The following CYP1B1 variants were observed in gnomAD, a reference collection of about 807,000 sequenced individuals.
CYP1B1 encodes cytochrome P450 1B1.
CYP1B1 carries 22 observed loss-of-function variants against 29.9 expected under a neutral mutation model. The ratio of observed to expected loss-of-function variants is 0.74; its 90% confidence interval spans 0.53 to 1.05. The LOEUF is 1.05. Ranked by LOEUF, CYP1B1 falls within the 50% of genes least tolerant of loss-of-function variation. CYP1B1 has a pLI of 0.00. For synonymous variants in CYP1B1, 375 were observed against 320.0 expected, an observed-to-expected ratio of 1.17 and a Z score of -1.83; for missense variants, 883 against 746.9, an observed-to-expected ratio of 1.18 and a Z score of -2.12.
chr2:38,074,550 C>A lies in CYP1B1; in HGVS notation c.839G>T (p.Cys280Phe). ...GGCGGCCCCGGGCCGAAGGCTTTCG[C>A]AGTGCCTCAAGAACTTGTCCAGGAT... is the stretch of plus-strand genomic sequence containing the variant. Reference protein sequence around the residue: ...NFILDKFLRHCESLRPGAAPR... With the variant: ...NFILDKFLRHFESLRPGAAPR... The change falls in exon 2 of 3, where the codon TGC becomes TTC. Residue 280 changes from cysteine to phenylalanine, a missense_variant. Transcript: ENST00000610745. The A allele has an allele frequency of 6.2e-7, 1 of 1,609,146 alleles. No individual in the cohort carries two copies. The highest frequency in any genetic ancestry group is 8.5e-7 in the Non-Finnish European group (1 of 1,177,922).
Position 38,075,197 on chromosome 2 carries a change from C to A in CYP1B1, c.192G>T (p.Ala64=), listed in dbSNP as rs1164813315. 27 of 1,573,154 alleles carry A rather than the reference C, an allele frequency of 1.7e-5. No individual in the cohort carries two copies. Among genetic ancestry groups the A allele is most frequent in the Non-Finnish European group, 2.1e-5 (25 of 1,166,372 alleles). The change falls in exon 2 of 3, where the codon GCG becomes GCT. Residue 64 remains alanine, a synonymous_variant. Transcript: ENST00000610745. ...AGAGGTGAGCCGCCTGGCCCACCGC[C>A]GCCGCGTTTCCGATCAGTGGCCACG... The part of the protein sequence containing the change: ...PFAWPLIGNA[A]AVGQAAHLSF...
Position 38,074,714 on chromosome 2 carries a change from G to A in CYP1B1, c.675C>T (p.Leu225=). 6.2e-7 allele frequency: 1 copy of A among 1,611,180 alleles called. No individual in the cohort carries two copies. The highest frequency in any genetic ancestry group is 8.5e-7 in the Non-Finnish European group (1 of 1,179,488). The change falls in exon 2 of 3, where the codon CTC becomes CTT. Residue 225 remains leucine (L), a synonymous_variant. Transcript: ENST00000610745. ...TGCGCCCGAACTCTTCGTTGTGGCT[G>A]AGCAGCTCACGGAACTCGGGGTCGT... ...SHDDPEFREL[L]SHNEEFGRTV...
intron 2 of CYP1B1, among the ~76,000 whole-genome samples, chr2:38,073,064 C>A (rs946755554): frequency 2.0e-5 from 3 of 152,174 alleles, no homozygotes; most frequent in Non-Finnish European, 4.4e-5. Flanking sequence ...ACCTATGGAA[C>A]CTATTCCGGG....
In CYP1B1 at chr2:38,071,024, G is replaced by A. The variant is rs377049098; in HGVS notation, c.1330C>T (p.Arg444Ter). The A allele has an allele frequency of 2.5e-5, 40 of 1,614,058 alleles. No homozygotes were observed. Among genetic ancestry groups the A allele is most frequent in the African/African-American group, 5.3e-5 (4 of 75,020 alleles). Residue 444 changes from arginine to a stop codon, truncating the protein, a stop_gained, in exon 3 of 3, where the codon CGA becomes TGA. Coordinates refer to ENST00000610745, the MANE Select transcript of CYP1B1 (RefSeq NM_000104.4). LOFTEE classifies it high-confidence loss of function. ...ATGAGGCCATCCTTGTCCAAGAATC[G>A]AGCTGGATCAAAGTTCTCCGGGTTA... ...WPNPENFDPA[R>*]FLDKDGLINK...
chr2:38,069,912 CT>C lies in CYP1B1; in HGVS notation c.*809del, dbSNP rs4646432. 0.03 allele frequency: 5,032 copies of C among 169,684 alleles called. 1 individual carries two copies. Among genetic ancestry groups the C allele is most frequent in the East Asian group, 0.084 (758 of 9,008 alleles). 10.5% of individuals were successfully genotyped at this position (169,684 alleles called of 1,614,324 possible). ...GTCACATAATTTAAAGCTTGGCTGG[CT>C]TTTTTTTTTTTCTTTGCTGATAATT... On this transcript the variant is annotated 3_prime_UTR_variant, in exon 3 of 3. Coordinates refer to ENST00000610745, the MANE Select transcript of CYP1B1 (RefSeq NM_000104.4).
chr2:38,075,120 C>T lies in CYP1B1; in HGVS notation c.269G>A (p.Gly90Asp), dbSNP rs1347052122. 1 of 1,579,452 alleles carries T rather than the reference C, an allele frequency of 6.3e-7. No homozygotes were observed. The highest frequency in any genetic ancestry group is 8.5e-7 in the Non-Finnish European group (1 of 1,170,476). The stretch of plus-strand genomic sequence containing the variant: ...ATTCAGCACCACTATGGGGCAGCTG[C>T]CCAGGCGGATCTGGAAAACGTCGCC... ...RYGDVFQIRLGSCPIVVLNGE... is the reference protein window; with the variant it reads ...RYGDVFQIRLDSCPIVVLNGE... The change falls in exon 2 of 3, where the codon GGC becomes GAC. Residue 90 changes from glycine to aspartate, a missense_variant. By Grantham distance (94) the Gly-to-Asp change is moderately conservative. Transcript: ENST00000610745.
At position 38,067,938 on chromosome 2, in the gene CYP1B1, A is replaced by G. The variant is rs888051984; in HGVS notation, c.*2784T>C. The G allele has an allele frequency of 1.6e-4, 30 of 193,310 alleles. No homozygotes were observed. In the East Asian group the frequency reaches 2.5e-3, roughly 16 times the overall value. 12.0% of individuals were successfully genotyped at this position (193,310 alleles called of 1,614,324 possible). ...TATGCAACTATTTGATCTAATATAGATCTACTAGGAAAATATTAAGGCTGT... is the reference window on the plus strand; with the variant it reads ...TATGCAACTATTTGATCTAATATAGGTCTACTAGGAAAATATTAAGGCTGT... On this transcript the variant is annotated 3_prime_UTR_variant, in exon 3 of 3. Transcript: ENST00000610745.
intron 2 of CYP1B1, 142 bp downstream of exon 2, chr2:38,074,204 G>C: frequency 1.1e-6 from 1 of 940,490 alleles, no homozygotes; most frequent in Non-Finnish European, 1.6e-6. Context: ...TCCCTTTACC[G>C]ACGCGATCTT....
At position 38,074,560 on chromosome 2, in the gene CYP1B1, A is replaced by G. The variant is rs1682491249; in HGVS notation, c.829T>C (p.Leu277=). The G allele has an allele frequency of 1.9e-6, 3 of 1,610,198 alleles. No individual in the cohort carries two copies. The South Asian group carries it at 3.3e-5, about 18-fold the overall frequency. The part of the protein sequence containing the change: ...NFSNFILDKF[L]RHCESLRPGA... Reference sequence around the variant, plus strand: ...GGCCGAAGGCTTTCGCAGTGCCTCAAGAACTTGTCCAGGATGAAGTTGCTG... The same window carrying G: ...GGCCGAAGGCTTTCGCAGTGCCTCAGGAACTTGTCCAGGATGAAGTTGCTG... The change falls in exon 2 of 3, where the codon TTG becomes CTG. Residue 277 remains leucine, a synonymous_variant. Coordinates refer to ENST00000610745, the MANE Select transcript of CYP1B1 (RefSeq NM_000104.4).
chr2:38,074,630 C>T lies in CYP1B1; in HGVS notation c.759G>A (p.Pro253=). The part of the protein sequence containing the change: ...VMPWLQYFPN[P]VRTVFREFEQ... Reference sequence around the variant, plus strand: ...CGAATTCGCGGAAAACGGTGCGCACCGGGTTGGGGAAGTACTGCAGCCAGG... The same window carrying T: ...CGAATTCGCGGAAAACGGTGCGCACTGGGTTGGGGAAGTACTGCAGCCAGG... Residue 253 remains proline, a synonymous_variant, in exon 2 of 3, where the codon CCG becomes CCA. Coordinates refer to ENST00000610745, the MANE Select transcript of CYP1B1 (RefSeq NM_000104.4). The T allele has an allele frequency of 1.2e-6, 2 of 1,613,530 alleles. No individual in the cohort carries two copies. Among genetic ancestry groups the T allele is most frequent in the South Asian group, 2.2e-5 (2 of 91,052 alleles).
chr2:38,072,394 T>A (rs1264784505), intron 2 of CYP1B1, among the ~76,000 whole-genome samples: 1 of 152,008 alleles, frequency 6.6e-6, no homozygotes, highest in East Asian at 1.9e-4. Flanking sequence ...ATAAAAATTT[T>A]AAAAATGCAA....
rs1296282152 is a variant in CYP1B1, at chr2:38,068,434, C to G, written c.*2288G>C. 1 of 226,910 alleles carries G rather than the reference C, an allele frequency of 4.4e-6. No individual in the cohort carries two copies. Among genetic ancestry groups the G allele is most frequent in the Non-Finnish European group, 8.8e-6 (1 of 113,854 alleles). The allele number at this position is 226,910 out of a possible 1,614,324, so 14.1% of individuals were successfully genotyped here. A position where few individuals can be genotyped will look rare whatever the true frequency, so the allele number is the denominator to read the frequency against. On this transcript the variant is annotated 3_prime_UTR_variant, in exon 3 of 3. Coordinates refer to ENST00000610745, the MANE Select transcript of CYP1B1 (RefSeq NM_000104.4). Reference sequence around the variant, plus strand: ...AAAACAGATTATAGCACATCTGGACCTGGTTGACATAATGAGGCATCCAGA... The same window carrying G: ...AAAACAGATTATAGCACATCTGGACGTGGTTGACATAATGAGGCATCCAGA...
At position 38,071,010 on chromosome 2, in the gene CYP1B1, C is replaced by G. The variant is rs781513633; in HGVS notation, c.1344G>C (p.Lys448Asn). Reference protein sequence around the residue: ...ENFDPARFLDKDGLINKDLTS... With the variant: ...ENFDPARFLDNDGLINKDLTS... The stretch of plus-strand genomic sequence containing the variant: ...TCAGGTCCTTGTTGATGAGGCCATC[C>G]TTGTCCAAGAATCGAGCTGGATCAA... The change falls in exon 3 of 3, where the codon AAG becomes AAC. Residue 448 changes from lysine (K) to asparagine (N), a missense_variant. Lys to Asn is a moderately conservative substitution (Grantham distance 94). Coordinates refer to ENST00000610745, the MANE Select transcript of CYP1B1 (RefSeq NM_000104.4). 2.5e-6 allele frequency: 4 copies of G among 1,613,998 alleles called. No individual in the cohort carries two copies. The highest frequency in any genetic ancestry group is 2.2e-5 in the South Asian group (2 of 91,076).
chr2:38,074,001 G>T, intron 2 of CYP1B1: 1 of 395,786 alleles, frequency 2.5e-6, no homozygotes, highest in Non-Finnish European at 4.6e-6. Flanking sequence ...ATTGTAATGC[G>T]CCAGGGAGAG....
chr2:38,071,664 CTTTTTAGGGGCCCATGAAAATA>C (rs1226943409), intron 2 of CYP1B1, among the ~76,000 whole-genome samples: 1 of 152,112 alleles, frequency 6.6e-6, no homozygotes, highest in Non-Finnish European at 1.5e-5. Flanking sequence ...GCTCACAACA[CTTTTTAGGGGCCCATGAAAATA>C]TTTTTACGTC....
rs2125316417 is a variant in CYP1B1 at position 38,075,214 on chromosome 2, GT to G, written c.174del (p.Leu59Ter). On this transcript the variant is annotated frameshift_variant, in exon 2 of 3. Coordinates refer to ENST00000610745, the MANE Select transcript of CYP1B1 (RefSeq NM_000104.4). LOFTEE classifies it high-confidence loss of function. ...RSAPPGPFAW[P>X]LIGNAAAVGQ... is the part of the protein sequence containing the mutation. ...CCCACCGCCGCCGCGTTTCCGATCA[GT>G]GGCCACGCAAACGGGCCCGGGGGCG... The G allele has an allele frequency of 6.3e-7, 1 of 1,582,144 alleles. No individual in the cohort carries two copies. The highest frequency in any genetic ancestry group is 8.5e-7 in the Non-Finnish European group (1 of 1,170,522).
intron 2 of CYP1B1, 115 bp downstream of exon 2, chr2:38,074,231 G>T (rs1047026651): frequency 2.6e-6 from 3 of 1,161,074 alleles, no homozygotes; most frequent in African/African-American, 1.5e-5. Context: ...GAGGGGTGGG[G>T]ACCTGGAGCG....
At position 38,070,158 on chromosome 2, in the gene CYP1B1, G is replaced by A. The variant is rs997103114; in HGVS notation, c.*564C>T. 8.8e-6 allele frequency: 2 copies of A among 226,806 alleles called. No homozygotes were observed. The highest frequency in any genetic ancestry group is 4.5e-5 in the African/African-American group (2 of 44,636). 14.0% of individuals were successfully genotyped at this position (226,806 alleles called of 1,614,324 possible). A position where few individuals can be genotyped will look rare whatever the true frequency, so the allele number is the denominator to read the frequency against. ...GATAAATCCACCCATAAATACTAGA[G>A]TCTAAGTTATTTTCCTGAAAAGGTG... On this transcript the variant is annotated 3_prime_UTR_variant, in exon 3 of 3. Transcript: ENST00000610745.
At chr2:38,071,423 G>A (rs570264968) in intron 2 of CYP1B1, 113 bp from the exon 3 acceptor site, 18 of 922,310 alleles carry the variant, frequency 2.0e-5, no homozygotes, top group Non-Finnish European at 1.0e-5. Flanking sequence ...AGGCTATCTA[G>A]CTCAGTGACT....
Sources: gnomAD v4.1 joint callset for allele counts (sites outside exome capture counted in the v4.1 genomes callset) on GRCh38, gnomAD v4.1.1 for gene constraint, MANE v1.5 for transcripts, NCBI Gene and HGNC (gene_info 2026-07-23, HGNC 2026-07-21) for gene names.